The following NIPBL variants were observed in gnomAD, a reference collection of about 807,000 sequenced individuals.
NIPBL encodes the protein NIPBL cohesin loading factor, also known as nipped-B-like protein.
In NIPBL, 19 loss-of-function variants were observed where a neutral mutation model predicts 321.8. The ratio of observed to expected loss-of-function variants is 0.06; its 90% CI spans 0.04 to 0.09. The LOEUF is 0.09. Ranked by LOEUF, NIPBL falls within the 10% of genes least tolerant of loss-of-function variation. The pLI is 1.00. For missense variants in NIPBL, 2,210 were observed against 3,327.0 expected, an observed-to-expected ratio of 0.66 and a Z score of 8.26; for synonymous variants, 1,106 against 1,114.1, an observed-to-expected ratio of 0.99 and a Z score of 0.14.
At chr5:37,064,088 A>G in intron 46 of NIPBL, 110 bp downstream of exon 46, 1 of 1,482,788 alleles carries the variant, frequency 6.7e-7, no homozygotes. Flanking sequence ...TAATACTTAA[A>G]AGAGAAAACA....
chr5:36,883,895 T>C (rs1745686321), intron 1 of NIPBL, among the ~76,000 whole-genome samples: 1 of 151,896 alleles, frequency 6.6e-6, no homozygotes, highest in African/African-American at 2.4e-5. Flanking sequence ...ATTATTTATT[T>C]ATTTTTTATT....
At chr5:36,928,836 T>C (rs754367660) in intron 1 of NIPBL, among the ~76,000 whole-genome samples, 5 of 152,230 alleles carry the variant, frequency 3.3e-5, no homozygotes, top group African/African-American at 7.2e-5. Context: ...ACATAACGTA[T>C]CAGTATTTTG....
At position 36,985,049 on chromosome 5, in the gene NIPBL, T is replaced by C; in HGVS notation, c.1869T>C (p.Ser623=). The C allele has an allele frequency of 4.3e-6, 7 of 1,613,880 alleles. No homozygotes were observed. Among genetic ancestry groups the C allele is most frequent in the Non-Finnish European group, 5.9e-6 (7 of 1,179,966 alleles). ...AAAGTGAAAGTAGATTAGCAGAATC[T>C]AAACCAAATGAAAACCGATTGGTGG... ...MKQSESRLAE[S]KPNENRLVET... is the part of the protein sequence containing the mutation. Residue 623 remains serine, a synonymous_variant, in exon 10 of 47, where the codon TCT becomes TCC. Transcript: ENST00000282516.
intron 29 of NIPBL, among the ~76,000 whole-genome samples, chr5:37,023,716 G>A (rs1749919455): frequency 6.9e-6 from 1 of 145,760 alleles, no homozygotes; most frequent in Non-Finnish European, 1.5e-5. Flanking sequence ...GCATTTGGGG[G>A]TCATGTCTTA....
At position 36,947,454 on chromosome 5, in the gene NIPBL, CT is replaced by C. The variant is rs371801193; in HGVS notation, c.-79-6162del. Reference sequence around the variant, plus strand: ...CTATTAAATTAGTCTTAACTGAAAGCTTAAGGATGTGGAAAAAGATATCAAC... The same window carrying C: ...CTATTAAATTAGTCTTAACTGAAAGCTAAGGATGTGGAAAAAGATATCAAC... On this transcript the variant is annotated intron_variant, in intron 1 of 46. Coordinates refer to ENST00000282516, the MANE Select transcript of NIPBL (RefSeq NM_133433.4). 4.6e-5 allele frequency among the ~76,000 whole-genome samples: 7 copies of C among 152,116 alleles called. No individual in the cohort carries two copies. In the East Asian group the frequency reaches 9.7e-4, roughly 21 times the overall value.
intron 9 of NIPBL, among the ~76,000 whole-genome samples, chr5:36,982,498 A>G (rs1006236046): frequency 6.6e-6 from 1 of 151,846 alleles, no homozygotes; most frequent in Admixed American, 6.6e-5. Flanking sequence ...CAGTAGTTGA[A>G]CGATTAAAAT....
At chr5:36,910,548 T>C (rs758717098) in intron 1 of NIPBL, among the ~76,000 whole-genome samples, 28 of 152,344 alleles carry the variant, frequency 1.8e-4, no homozygotes, top group Non-Finnish European at 2.5e-4. Context: ...GTTCACTTCA[T>C]ACCTAGATTA....
At position 37,002,671 on chromosome 5, in the gene NIPBL, A is replaced by G. The variant is rs762912820; in HGVS notation, c.3674A>G (p.Asp1225Gly). 44 of 1,607,738 alleles carry G rather than the reference A, an allele frequency of 2.7e-5. No homozygotes were observed. In the South Asian group the frequency reaches 4.4e-4, roughly 16 times the overall value. The change falls in exon 15 of 47, where the codon GAT (aspartate) becomes GGT (glycine). Residue 1225 changes from aspartate to glycine, a missense_variant. Asp to Gly is a moderately conservative substitution (Grantham distance 94). Around this residue, in one of 14 missense-constraint regions of NIPBL, gnomAD observed 381 missense variants for 642.3 expected, o/e 0.59. Coordinates refer to ENST00000282516, the MANE Select transcript of NIPBL (RefSeq NM_133433.4). ...DMDFTAFGDD[D>G]EIPQELLLGK... is the part of the protein sequence containing the mutation. ...TGGCTTGATTTTGCAGGTGATGATG[A>G]TGAAATTCCTCAGGAACTGCTCTTA...
At chr5:37,011,554 A>G (rs558436074) in intron 21 of NIPBL, among the ~76,000 whole-genome samples, 58 of 152,316 alleles carry the variant, frequency 3.8e-4, no homozygotes, top group African/African-American at 1.4e-3. Context: ...GAACCTGTCT[A>G]AAAATGAATG....
At position 37,033,685 on chromosome 5, in the gene NIPBL, T is replaced by TACGC. The variant is rs1554028794; in HGVS notation, c.5863-2692_5863-2691insGCAC. Among the ~76,000 whole-genome samples the TACGC allele has an allele frequency of 1.4e-3, 92 of 65,006 alleles. 1 individual carries two copies. The highest frequency in any genetic ancestry group is 7.6e-3 in the African/African-American group (86 of 11,270). The allele number at this position is 65,006 out of a possible 152,430, so 42.6% of individuals were successfully genotyped here. A position where few individuals can be genotyped will look rare whatever the true frequency, so the allele number is the denominator to read the frequency against. On this transcript the variant is annotated intron_variant, in intron 32 of 46. Coordinates refer to ENST00000282516, the MANE Select transcript of NIPBL (RefSeq NM_133433.4). ...TTACATATGTGTGTGTATATGTACATACACACACACACACACACACATATA... is the reference window on the plus strand; with the variant it reads ...TTACATATGTGTGTGTATATGTACATACGCACACACACACACACACACACATATA...
intron 34 of NIPBL, among the ~76,000 whole-genome samples, chr5:37,041,252 GTTTTTTTTTTTTTT>G (rs1163179336): frequency 1.6e-4 from 10 of 64,008 alleles, no homozygotes; most frequent in African/African-American, 6.4e-4. Context: ...TTATGTGGTG[GTTTTTTTTTTTTTT>G]TTTTTTTTTT....
intron 1 of NIPBL, chr5:36,886,525 G>A: frequency 1.4e-6 from 1 of 721,318 alleles, no homozygotes; most frequent in Non-Finnish European, 2.5e-6. Context: ...ACCCTTTGGG[G>A]AGCAGGAGGC....
intron 10 of NIPBL, among the ~76,000 whole-genome samples, chr5:36,991,352 T>C (rs528574902): frequency 2.4e-4 from 36 of 152,222 alleles, no homozygotes; most frequent in Non-Finnish European, 1.5e-4. Flanking sequence ...GTATGTCTGA[T>C]TTTTTTATAT....
rs781524222 is a variant in NIPBL, at chr5:36,953,778, A to G, written c.64+18A>G. 4.4e-6 allele frequency: 7 copies of G among 1,595,770 alleles called. No individual in the cohort carries two copies. In the African/African-American group the frequency reaches 6.7e-5, roughly 15 times the overall value. ...CACAGACCGTAAGTTTGGTTAATTTATCTAATTTAAGTTCTACTGTGTGTT... is the reference window on the plus strand; with the variant it reads ...CACAGACCGTAAGTTTGGTTAATTTGTCTAATTTAAGTTCTACTGTGTGTT... On this transcript the variant is annotated intron_variant, in intron 2 of 46. Transcript: ENST00000282516.
chr5:36,923,027 A>C (rs1197722287), intron 1 of NIPBL, among the ~76,000 whole-genome samples: 1 of 152,096 alleles, frequency 6.6e-6, no homozygotes, highest in Non-Finnish European at 1.5e-5. Context: ...GGTGGCTCAC[A>C]CCTGTAATCC....
At chr5:36,931,436 C>T (rs777831373) in intron 1 of NIPBL, among the ~76,000 whole-genome samples, 1 of 151,896 alleles carries the variant, frequency 6.6e-6, no homozygotes, top group Non-Finnish European at 1.5e-5. Flanking sequence ...TCCCACCTAA[C>T]CCTCCTGAGA....
chr5:36,943,092 A>C (rs1251209201), intron 1 of NIPBL, among the ~76,000 whole-genome samples: 1 of 152,124 alleles, frequency 6.6e-6, no homozygotes, highest in Non-Finnish European at 1.5e-5. Context: ...TTTTTCTCAA[A>C]TATTTTCAGT....
At chr5:37,023,986 G>A (rs1026216871) in intron 29 of NIPBL, among the ~76,000 whole-genome samples, 4 of 151,764 alleles carry the variant, frequency 2.6e-5, no homozygotes, top group African/African-American at 9.7e-5. Flanking sequence ...ACAACATGGT[G>A]AAACACTGTT....
chr5:37,030,267 A>G (rs1446400523), intron 32 of NIPBL, among the ~76,000 whole-genome samples: 1 of 152,124 alleles, frequency 6.6e-6, no homozygotes, highest in East Asian at 1.9e-4. Context: ...TCTCTATTCT[A>G]TGCTTTCCTA....
Sources: allele counts gnomAD v4.1 joint callset (sites outside exome capture counted in the v4.1 genomes callset), GRCh38; gene constraint gnomAD v4.1.1; regional missense constraint gnomAD v4.1.1; transcripts MANE v1.5; gene names NCBI Gene and HGNC (gene_info 2026-07-23, HGNC 2026-07-21).